Variants in LY96 observed in about 807,000 individuals in gnomAD.
The protein encoded by LY96 is lymphocyte antigen 96.
Under a neutral mutation model 18.9 loss-of-function variants are expected in LY96, and 18 were observed. That is an observed-to-expected ratio of 0.95 (90% CI 0.66 to 1.41). LY96 has a LOEUF of 1.41. LY96 is among the 40% of genes most tolerant of loss of function. The pLI is 0.00. For synonymous variants in LY96, 66 were observed against 62.6 expected (o/e 1.06, Z -0.26); for missense variants, 175 against 182.4 (o/e 0.96, Z 0.23).
the LY96 span, among the ~76,000 whole-genome samples, chr8:74,062,914 G>C: frequency 2.0e-5 from 3 of 152,168 alleles, no homozygotes; most frequent in Non-Finnish European, 4.4e-5. Context: ...TCCTGCATTA[G>C]TTATCTATAA....
the LY96 span, among the ~76,000 whole-genome samples, chr8:74,057,841 TC>T: frequency 3.3e-5 from 5 of 152,180 alleles, no homozygotes; most frequent in Admixed American, 6.5e-5. Context: ...GTTAAAGTAA[TC>T]CAGGGGATGA....
chr8:74,041,611 G>A, the LY96 span, among the ~76,000 whole-genome samples: 2,787 of 152,186 alleles, frequency 0.018, 96 homozygotes, highest in African/African-American at 0.06. Flanking sequence ...GTCTATAAAC[G>A]GCCGCTCTGG....
At chr8:74,042,870 G>A in the LY96 span, among the ~76,000 whole-genome samples, 26 of 151,350 alleles carry the variant, frequency 1.7e-4, no homozygotes, top group African/African-American at 2.2e-4. Context: ...TCCACTTCCC[G>A]TGTTCAAGAG....
chr8:74,059,161 T>C, the LY96 span, among the ~76,000 whole-genome samples: 1 of 152,198 alleles, frequency 6.6e-6, no homozygotes, highest in Non-Finnish European at 1.5e-5. Context: ...TAGTGTTTAA[T>C]CAGATATCTG....
chr8:74,071,226 C>T, the LY96 span, among the ~76,000 whole-genome samples: 1 of 151,108 alleles, frequency 6.6e-6, no homozygotes, highest in East Asian at 1.9e-4. Flanking sequence ...GTACCTTAAG[C>T]AGGATCAATT....
At chr8:74,058,091 C>A in the LY96 span, among the ~76,000 whole-genome samples, 3 of 151,996 alleles carry the variant, frequency 2.0e-5, no homozygotes, top group Admixed American at 6.5e-5. Context: ...AACAAATATG[C>A]CTGGGAGACT....
chr8:74,088,151 A>AATAGAATAGAAT, the LY96 span, among the ~76,000 whole-genome samples: 3 of 151,192 alleles, frequency 2.0e-5, no homozygotes, highest in African/African-American at 7.4e-5. Context: ...AATAGAATAG[A>AATAGAATAGAAT]AAAGAATAGA....
the LY96 span, among the ~76,000 whole-genome samples, chr8:74,081,992 A>G: frequency 3.3e-5 from 5 of 152,170 alleles, no homozygotes; most frequent in African/African-American, 9.7e-5. Flanking sequence ...ATTGAGCACA[A>G]TCTTAGAGCT....
the LY96 span, among the ~76,000 whole-genome samples, chr8:74,085,826 A>T: frequency 1.2e-4 from 18 of 152,330 alleles, no homozygotes; most frequent in African/African-American, 3.8e-4. Context: ...TTGTGAAATC[A>T]TTACCACAAT....
the LY96 span, among the ~76,000 whole-genome samples, chr8:74,096,001 A>G: frequency 1.3e-5 from 2 of 152,164 alleles, no homozygotes; most frequent in Admixed American, 1.3e-4. Context: ...TCAGTTAAGG[A>G]CAGCTTCATG....
chr8:73,995,728 AT>A (rs11409980), intron 1 of LY96, among the ~76,000 whole-genome samples: 8 of 149,902 alleles, frequency 5.3e-5, no homozygotes, highest in Non-Finnish European at 7.4e-5. Flanking sequence ...TCTAATCTTT[AT>A]TTTTTTTTTG....
chr8:73,991,802 T>C (rs1816010227), intron 1 of LY96, among the ~76,000 whole-genome samples: 1 of 152,156 alleles, frequency 6.6e-6, no homozygotes, highest in South Asian at 2.1e-4. Flanking sequence ...GTTCCCTGCG[T>C]CATCTTTCTC....
At chr8:73,996,970 T>A (rs1165704955) in intron 1 of LY96, among the ~76,000 whole-genome samples, 1 of 151,604 alleles carries the variant, frequency 6.6e-6, no homozygotes, top group Admixed American at 6.6e-5. Context: ...GTCTCGAACT[T>A]CTGACCTCAG....
At chr8:74,048,441 C>T in the LY96 span, among the ~76,000 whole-genome samples, 5 of 151,818 alleles carry the variant, frequency 3.3e-5, no homozygotes, top group African/African-American at 7.3e-5. Flanking sequence ...TTTTTAAATC[C>T]GGGTGGGCCT....
chr8:74,060,712 C>T, the LY96 span, among the ~76,000 whole-genome samples: 1 of 152,330 alleles, frequency 6.6e-6, no homozygotes, highest in African/African-American at 2.4e-5. Flanking sequence ...CAACCAAATT[C>T]ATTTCAGGTA....
chr8:74,018,914 A>G (rs1038663703), intron 3 of LY96, among the ~76,000 whole-genome samples: 3 of 152,248 alleles, frequency 2.0e-5, no homozygotes, highest in African/African-American at 4.8e-5. Context: ...TCTGGGACAC[A>G]TTTAAATCAG....
the LY96 span, among the ~76,000 whole-genome samples, chr8:74,099,055 A>G: frequency 2.0e-5 from 3 of 152,198 alleles, no homozygotes; most frequent in African/African-American, 4.8e-5. Context: ...CCTGGTTGGT[A>G]TTCTTGACCC....
At chr8:74,081,149 CT>C in the LY96 span, among the ~76,000 whole-genome samples, 33 of 143,252 alleles carry the variant, frequency 2.3e-4, no homozygotes, top group African/African-American at 7.5e-4. Flanking sequence ...TTCCTTCTTT[CT>C]TTCTTTCTTT....
chr8:74,068,314 G>C, the LY96 span, among the ~76,000 whole-genome samples: 3 of 151,864 alleles, frequency 2.0e-5, no homozygotes, highest in Non-Finnish European at 2.9e-5. Flanking sequence ...TTGGGAGTTT[G>C]TTTCTTTTTA....
Sources: gnomAD v4.1 joint callset for allele counts (sites outside exome capture counted in the v4.1 genomes callset) on GRCh38, gnomAD v4.1.1 for gene constraint, MANE v1.5 for transcripts, NCBI Gene and HGNC (gene_info 2026-07-23, HGNC 2026-07-21) for gene names.